Variants in SORL1 observed in about 807,000 individuals in gnomAD.
SORL1 encodes the protein sortilin related receptor 1, also known as sortilin-related receptor.
A neutral mutation model predicts 273.7 loss-of-function variants in SORL1; 127 were observed. That is an observed-to-expected ratio of 0.46 (90% CI 0.40 to 0.54). The LOEUF (loss-of-function observed/expected upper bound fraction) is 0.54, where lower values mean the gene tolerates loss of function less well. Ranked by LOEUF, SORL1 falls within the 20% of genes least tolerant of loss-of-function variation. SORL1 has a pLI of 0.00. For missense variants in SORL1, 2,494 were observed against 2,846.1 expected, an observed-to-expected ratio of 0.88 and a Z score of 2.81; for synonymous variants, 1,031 against 1,067.4, an observed-to-expected ratio of 0.97 and a Z score of 0.66.
At position 121,595,496 on chromosome 11, in the gene SORL1, C is replaced by T. The variant is rs1437477241; in HGVS notation, c.4370-127C>T. ...TCTACTCTGCTCTCTATCCGGAACT[C>T]GCATTTGTCTTCAGGTTCCCATTGT... is the stretch of plus-strand genomic sequence containing the variant. On this transcript the variant is annotated intron_variant, in intron 31 of 47. Transcript: ENST00000260197. This position sits in a 1 kb window ranked among gnomAD's most constrained non-coding sequence, Gnocchi z 5.1. 16 of 840,852 alleles carry T rather than the reference C, an allele frequency of 1.9e-5. 1 individual carries two copies. The highest frequency in any genetic ancestry group is 6.3e-4 in the Middle Eastern group (2 of 3,190). The allele number at this position is 840,852 out of a possible 1,614,324, so 52.1% of individuals were successfully genotyped here.
intron 12 of SORL1, among the ~76,000 whole-genome samples, chr11:121,536,563 C>T (rs537314191): frequency 4.1e-5 from 6 of 145,974 alleles, no homozygotes; most frequent in Middle Eastern, 7.1e-3. Context: ...CCATGCCTGG[C>T]TAATTTTTAT....
chr11:121,462,451 T>C (rs1861015313), intron 1 of SORL1, among the ~76,000 whole-genome samples: 1 of 152,190 alleles, frequency 6.6e-6, no homozygotes, highest in South Asian at 2.1e-4. Context: ...AGCCTCACTC[T>C]CTCCCCGATA....
chr11:121,587,983 T>C (rs1863144725), intron 27 of SORL1, 37 bp from the exon 28 acceptor site: 1 of 1,608,992 alleles, frequency 6.2e-7, no homozygotes, highest in South Asian at 1.1e-5. Context: ...CCAGCCGCAG[T>C]GCTCATGGCC....
At chr11:121,532,016 A>C (rs1458799718) in intron 11 of SORL1, among the ~76,000 whole-genome samples, 1 of 152,130 alleles carries the variant, frequency 6.6e-6, no homozygotes, top group East Asian at 1.9e-4. Flanking sequence ...GCTTTCGTTT[A>C]CTTTTCAGCA....
At position 121,550,304 on chromosome 11, in the gene SORL1, T is replaced by G. The variant is rs1443853678; in HGVS notation, c.2180+216T>G. Among the ~76,000 whole-genome samples the G allele has an allele frequency of 6.6e-6, 1 of 152,208 alleles. No individual in the cohort carries two copies. Among genetic ancestry groups the G allele is most frequent in the Non-Finnish European group, 1.5e-5 (1 of 68,032 alleles). On this transcript the variant is annotated intron_variant, in intron 15 of 47. Transcript: ENST00000260197. This position sits in a 1 kb window ranked among gnomAD's most constrained non-coding sequence, Gnocchi z 5.3. ...AAGCATCCCTGAAACTCTAGGAATA[T>G]CTTAAGTCATCAACTTCAGCAGGGA...
In SORL1 at chr11:121,543,848, C is replaced by T. The variant is rs564241494; in HGVS notation, c.1864+122C>T. 12 of 845,504 alleles carry T rather than the reference C, an allele frequency of 1.4e-5. No individual in the cohort carries two copies. In the Admixed American group the frequency reaches 3.3e-4, roughly 23 times the overall value. The allele number at this position is 845,504 out of a possible 1,614,324, so 52.4% of individuals were successfully genotyped here. A position where few individuals can be genotyped will look rare whatever the true frequency, so the allele number is the denominator to read the frequency against. On this transcript the variant is annotated intron_variant, in intron 13 of 47. Transcript: ENST00000260197. Reference sequence around the variant, plus strand: ...CTGACATTCATTGGGGGAGATGGGCCCATAAGAGTTAGCAAAAAGCATAGG... The same window carrying T: ...CTGACATTCATTGGGGGAGATGGGCTCATAAGAGTTAGCAAAAAGCATAGG...
chr11:121,612,675 T>G, intron 39 of SORL1, 61 bp from the exon 40 acceptor site: 1 of 1,205,278 alleles, frequency 8.3e-7, no homozygotes, highest in Non-Finnish European at 1.2e-6. Flanking sequence ...AATCCTGCCT[T>G]TTGTATTTAG....
chr11:121,547,446 TCA>T (rs1862448874), intron 14 of SORL1, among the ~76,000 whole-genome samples: 1 of 30,920 alleles, frequency 3.2e-5, no homozygotes, highest in African/African-American at 1.5e-4. Context: ...AAAAAAAAAA[TCA>T]CACACACAAG....
chr11:121,535,670 G>GTT (rs200202749), intron 12 of SORL1, among the ~76,000 whole-genome samples: 100 of 143,288 alleles, frequency 7.0e-4, no homozygotes, highest in Admixed American at 7.6e-4. Flanking sequence ...AAACATTAGG[G>GTT]TTTTTTTTTT....
Position 121,559,626 on chromosome 11 carries a change from C to A in SORL1, c.3018C>A (p.Asp1006Glu). ...CAAACCAGCTCACGGGGCTCATGGA[C>A]ATGAAGATTTTCTACAAGGGGAAGA... ...ILANQLTGLM[D>E]MKIFYKGKNT... is the part of the protein sequence containing the mutation. Residue 1006 changes from aspartate (D) to glutamate (E), a missense_variant, in exon 21 of 48, where the codon GAC becomes GAA. By Grantham distance (45) the Asp-to-Glu change is conservative. Transcript: ENST00000260197. The A allele has an allele frequency of 6.2e-7, 1 of 1,614,122 alleles. No homozygotes were observed. The highest frequency in any genetic ancestry group is 8.5e-7 in the Non-Finnish European group (1 of 1,180,000).
In SORL1 at chr11:121,554,919, A is replaced by C. The variant is rs1440785477; in HGVS notation, c.2440-268A>C. 4.7e-6 allele frequency: 1 copy of C among 212,158 alleles called. No homozygotes were observed. Among genetic ancestry groups the C allele is most frequent in the African/African-American group, 2.3e-5 (1 of 43,418 alleles). The allele number at this position is 212,158 out of a possible 1,614,324, so 13.1% of individuals were successfully genotyped here. On this transcript the variant is annotated intron_variant, in intron 17 of 47. Coordinates refer to ENST00000260197, the MANE Select transcript of SORL1 (RefSeq NM_003105.6). This position sits in a 1 kb window ranked among gnomAD's most constrained non-coding sequence, Gnocchi z 4.6. ...GACTTTATTATTGCCATACAGCATA[A>C]TTTAGTAACCAGTGTTCATAATGAT...
intron 9 of SORL1, among the ~76,000 whole-genome samples, chr11:121,522,193 AAT>A (rs1188242891): frequency 6.6e-6 from 1 of 152,202 alleles, no homozygotes; most frequent in Non-Finnish European, 1.5e-5. Context: ...TCATGTTTGA[AAT>A]ATGTCTCTGA....
At position 121,608,097 on chromosome 11, in the gene SORL1, T is replaced by C; in HGVS notation, c.5167-7T>C. ...TTTCATATTAATTCACCCTCTGATT[T>C]GAAAAGGTGGCTGCGGTGACTAGTC... On this transcript the variant is annotated splice_polypyrimidine_tract_variant and splice_region_variant and intron_variant, in intron 37 of 47. Coordinates refer to ENST00000260197, the MANE Select transcript of SORL1 (RefSeq NM_003105.6). 6.2e-7 allele frequency: 1 copy of C among 1,612,414 alleles called. No individual in the cohort carries two copies. Among genetic ancestry groups the C allele is most frequent in the Non-Finnish European group, 8.5e-7 (1 of 1,178,438 alleles).
chr11:121,508,596 G>T (rs979295987), intron 6 of SORL1, among the ~76,000 whole-genome samples: 6 of 152,188 alleles, frequency 3.9e-5, no homozygotes, highest in Admixed American at 3.9e-4. Flanking sequence ...GGGAACTCCA[G>T]ACCTATTCTG....
intron 12 of SORL1, among the ~76,000 whole-genome samples, chr11:121,537,842 C>T (rs755957954): frequency 1.3e-5 from 2 of 152,174 alleles, no homozygotes; most frequent in Admixed American, 6.5e-5. Context: ...TTGTTCTGCT[C>T]CCTGGAGATG....
At chr11:121,557,197 A>G in intron 18 of SORL1, 117 bp from the exon 19 acceptor site, 2 of 783,490 alleles carry the variant, frequency 2.6e-6, no homozygotes, top group East Asian at 2.4e-5. Context: ...AGGTCAGGGA[A>G]ATAGGCAGGC....
In SORL1 at chr11:121,624,690, C is replaced by T. The variant is rs116740516; in HGVS notation, c.6172-395C>T. ...CTCACCCCATTGCTGGAGTCCACTG[C>T]GACCTGGATTTATTATTAGTCAAAT... On this transcript the variant is annotated intron_variant, in intron 45 of 47. Transcript: ENST00000260197. 3.9e-3 allele frequency among the ~76,000 whole-genome samples: 590 copies of T among 152,264 alleles called. 3 individuals carry two copies. The highest frequency in any genetic ancestry group is 0.013 in the African/African-American group (557 of 41,560).
chr11:121,496,684 C>G (rs1190079333), intron 5 of SORL1, among the ~76,000 whole-genome samples, 185 bp from the exon 6 acceptor site: 3 of 152,154 alleles, frequency 2.0e-5, no homozygotes, highest in African/African-American at 4.8e-5. Flanking sequence ...TTGCAAATGG[C>G]AATTTGTCCC....
intron 6 of SORL1, among the ~76,000 whole-genome samples, chr11:121,509,325 A>G (rs984737980): frequency 6.6e-6 from 1 of 152,046 alleles, no homozygotes; most frequent in Non-Finnish European, 1.5e-5. Flanking sequence ...TCATTGCAGT[A>G]TCCTTTGGCC....
Sources: allele counts gnomAD v4.1 joint callset (sites outside exome capture counted in the v4.1 genomes callset), GRCh38; gene constraint gnomAD v4.1.1; non-coding constraint Gnocchi (gnomAD v3.1); transcripts MANE v1.5; gene names NCBI Gene and HGNC (gene_info 2026-07-23, HGNC 2026-07-21).